The following KMT2D variants were observed in gnomAD, a reference collection of about 807,000 sequenced individuals.
KMT2D encodes the protein histone-lysine N-methyltransferase 2D.
A neutral mutation model predicts 512.7 loss-of-function variants in KMT2D; 55 were observed. The ratio of observed to expected loss-of-function variants is 0.11; its 90% CI spans 0.09 to 0.13. KMT2D has a LOEUF of 0.13. Ranked by LOEUF, KMT2D falls within the 10% of genes least tolerant of loss-of-function variation. KMT2D has a pLI of 1.00. For missense variants in KMT2D, 6,061 were observed against 7,127.9 expected, an observed-to-expected ratio of 0.85 and a Z score of 5.39; for synonymous variants, 2,995 against 2,904.0, an observed-to-expected ratio of 1.03 and a Z score of -1.01.
rs1416337623 is a variant in KMT2D at position 49,028,932 on chromosome 12, C to A, written c.14278G>T (p.Ala4760Ser). 3.1e-6 allele frequency: 5 copies of A among 1,613,992 alleles called. No individual in the cohort carries two copies. Among genetic ancestry groups the A allele is most frequent in the Non-Finnish European group, 3.4e-6 (4 of 1,179,880 alleles). ...PVFPDTKPYG[A>S]LGLEVPGKLP... ...TTTCCAGGGACCTCCAGGCCAAGGGCCCCATAAGGTTTGGTATCTGGGAAG... is the reference window on the plus strand; with the variant it reads ...TTTCCAGGGACCTCCAGGCCAAGGGACCCATAAGGTTTGGTATCTGGGAAG... The change falls in exon 46 of 55, where the codon GCC becomes TCC. Residue 4760 changes from alanine (A) to serine (S), a missense_variant. By Grantham distance (99) the Ala-to-Ser change is moderately conservative (BLOSUM62 1). Around this residue, in one of 16 missense-constraint regions of KMT2D, gnomAD observed 1,600 missense variants for 1,754.9 expected, o/e 0.91. Transcript: ENST00000301067.
At position 49,044,358 on chromosome 12, in the gene KMT2D, C is replaced by T. The variant is rs753871567; in HGVS notation, c.5083+45G>A. On this transcript the variant is annotated intron_variant, in intron 21 of 54. Coordinates refer to ENST00000301067, the MANE Select transcript of KMT2D (RefSeq NM_003482.4). The surrounding 1 kb of genome is among the most constrained non-coding windows in gnomAD (Gnocchi z 6.4). ...AGCCGCTGGGGGACCTATTGAGCTG[C>T]CCCGCACCACCCCACCACCCCACAA... is the stretch of plus-strand genomic sequence containing the variant. The T allele has an allele frequency of 5.0e-6, 8 of 1,613,562 alleles. No individual in the cohort carries two copies. The African/African-American group carries it at 8.0e-5, about 16-fold the overall frequency.
In KMT2D at chr12:49,044,161, C is replaced by A; in HGVS notation, c.5188+39G>T. ...CCTGGGTCTCTCTAGCATTGCCCCA[C>A]CTTCTCCCAGGCCCCACTGGTGCCC... On this transcript the variant is annotated intron_variant, in intron 22 of 54. Transcript: ENST00000301067. The surrounding 1 kb of genome is among the most constrained non-coding windows in gnomAD (Gnocchi z 6.4). 1 of 1,603,056 alleles carries A rather than the reference C, an allele frequency of 6.2e-7. No homozygotes were observed.
rs398123742 is a variant in KMT2D at position 49,050,042 on chromosome 12, A to C, written c.3546T>G (p.Cys1182Trp). ...CKQTAGQGSP[C>W]EEQEEPRAPV... ...GTGCACGTGGCTCTTCCTGTTCTTCACATGGTGAGCCCTGCCCTGCTGTCT... is the reference window on the plus strand; with the variant it reads ...GTGCACGTGGCTCTTCCTGTTCTTCCCATGGTGAGCCCTGCCCTGCTGTCT... The change falls in exon 12 of 55, where the codon TGT (cysteine) becomes TGG (tryptophan). Residue 1182 changes from cysteine to tryptophan, a missense_variant. Physicochemically the swap from Cys to Trp is radical, Grantham distance 215 (BLOSUM62 -2). Transcript: ENST00000301067. The C allele has an allele frequency of 1.2e-6, 2 of 1,613,854 alleles. No homozygotes were observed. The highest frequency in any genetic ancestry group is 1.7e-6 in the Non-Finnish European group (2 of 1,179,876).
chr12:49,032,080 G>A lies in KMT2D; in HGVS notation c.12625C>T (p.Pro4209Ser). ...AQLQGVLAKN[P>S]QLRHLSPQQQ... Reference sequence around the variant, plus strand: ...TGAGGACTTAAGTGCCGCAGCTGTGGGTTTTTGGCCAGGACTCCTTGGAGC... The same window carrying A: ...TGAGGACTTAAGTGCCGCAGCTGTGAGTTTTTGGCCAGGACTCCTTGGAGC... The change falls in exon 40 of 55, where the codon CCA becomes TCA. Residue 4209 changes from proline to serine, a missense_variant. Around this residue, in one of 16 missense-constraint regions of KMT2D, gnomAD observed 1,600 missense variants for 1,754.9 expected, o/e 0.91. Transcript: ENST00000301067. The A allele has an allele frequency of 1.9e-6, 3 of 1,613,878 alleles. No individual in the cohort carries two copies. The highest frequency in any genetic ancestry group is 2.5e-6 in the Non-Finnish European group (3 of 1,179,838).
intron 35 of KMT2D, 123 bp downstream of exon 35, chr12:49,037,002 T>C (rs2120472333): frequency 1.5e-6 from 2 of 1,306,656 alleles, no homozygotes; most frequent in South Asian, 1.6e-5. Flanking sequence ...AGTATGATAT[T>C]TAGCCAAAGT....
At position 49,043,759 on chromosome 12, in the gene KMT2D, C is replaced by A. The variant is rs778446878; in HGVS notation, c.5343G>T (p.Leu1781=). The change falls in exon 24 of 55, where the codon CTG becomes CTT. Residue 1781 remains leucine (L), a synonymous_variant. Coordinates refer to ENST00000301067, the MANE Select transcript of KMT2D (RefSeq NM_003482.4). ...YLQEAFFGKE[L]LDLSRKALFA... Reference sequence around the variant, plus strand: ...AAAGGGCCTTACGGCTCAGGTCCAGCAGCTCCTTCCCAAAGAAGGCTTCCT... The same window carrying A: ...AAAGGGCCTTACGGCTCAGGTCCAGAAGCTCCTTCCCAAAGAAGGCTTCCT... The A allele has an allele frequency of 6.2e-7, 1 of 1,612,956 alleles. No homozygotes were observed. The highest frequency in any genetic ancestry group is 1.7e-5 in the Admixed American group (1 of 59,918).
Position 49,020,589 on chromosome 12 carries a change from G to A in KMT2D, c.*1191C>T, listed in dbSNP as rs1185174181. On this transcript the variant is annotated 3_prime_UTR_variant, in exon 55 of 55. Transcript: ENST00000301067. ...TAGATAAATACCCCCCACCCTCCCC[G>A]CGCTGACACTAAGCTCCCCCACCCC... The A allele has an allele frequency of 1.5e-4, 9 of 60,088 alleles. No homozygotes were observed. The East Asian group carries it at 1.6e-3, about 11-fold the overall frequency. The allele number at this position is 60,088 out of a possible 1,614,324, so 3.7% of individuals were successfully genotyped here. A position where few individuals can be genotyped will look rare whatever the true frequency, so the allele number is the denominator to read the frequency against.
chr12:49,044,176 C>T lies in KMT2D; in HGVS notation c.5188+24G>A. ...CATTGCCCCACCTTCTCCCAGGCCC[C>T]ACTGGTGCCCTCACCCGTCTCACCC... On this transcript the variant is annotated intron_variant, in intron 22 of 54. Coordinates refer to ENST00000301067, the MANE Select transcript of KMT2D (RefSeq NM_003482.4). This position sits in a 1 kb window ranked among gnomAD's most constrained non-coding sequence, Gnocchi z 6.4. The T allele has an allele frequency of 6.2e-7, 1 of 1,607,734 alleles. No individual in the cohort carries two copies. The highest frequency in any genetic ancestry group is 1.7e-5 in the Admixed American group (1 of 59,804).
rs886049467 is a variant in KMT2D at position 49,021,482 on chromosome 12, G to A, written c.*298C>T. The A allele has an allele frequency of 1.5e-5, 7 of 452,216 alleles. No homozygotes were observed. Among genetic ancestry groups the A allele is most frequent in the East Asian group, 1.0e-4 (3 of 28,708 alleles). The allele number at this position is 452,216 out of a possible 1,614,324, so 28.0% of individuals were successfully genotyped here. ...TCCCAGATGCTTCTGGGTAGTTCCCGGCCCATATCCCCCTCAAACCTGAGA... is the reference window on the plus strand; with the variant it reads ...TCCCAGATGCTTCTGGGTAGTTCCCAGCCCATATCCCCCTCAAACCTGAGA... On this transcript the variant is annotated 3_prime_UTR_variant, in exon 55 of 55. Transcript: ENST00000301067.
In KMT2D at chr12:49,037,354, T is replaced by C. The variant is rs1943270270; in HGVS notation, c.10002A>G (p.Pro3334=). Residue 3334 remains proline (P), a synonymous_variant, in exon 35 of 55, where the codon CCA becomes CCG. Coordinates refer to ENST00000301067, the MANE Select transcript of KMT2D (RefSeq NM_003482.4). ...GLPQPLMPTQ[P]PAHALQQRLA... is the part of the protein sequence containing the mutation. Reference sequence around the variant, plus strand: ...GGCGTTGCTGGAGGGCATGAGCTGGTGGCTGGGTGGGCATCAGTGGCTGGG... The same window carrying C: ...GGCGTTGCTGGAGGGCATGAGCTGGCGGCTGGGTGGGCATCAGTGGCTGGG... 4 of 1,611,446 alleles carry C rather than the reference T, an allele frequency of 2.5e-6. No homozygotes were observed. Among genetic ancestry groups the C allele is most frequent in the Non-Finnish European group, 3.4e-6 (4 of 1,179,026 alleles).
Position 49,042,274 on chromosome 12 carries a change from C to A in KMT2D, c.5924G>T (p.Gly1975Val). ...EPGEPDSPWT[G>V]SGGTTPSTPT... ...GGTGGAGGGCGTGGTGCCACCTGAG[C>A]CCGTCCAGGGGCTGTCGGGCTCACC... The change falls in exon 29 of 55, where the codon GGC (glycine) becomes GTC (valine). Residue 1975 changes from glycine (G) to valine (V), a missense_variant. Gly to Val is a moderately radical substitution (Grantham distance 109, BLOSUM62 -3). This residue lies in a region of KMT2D where 640 missense variants were observed against 814.3 expected (regional missense o/e 0.79). Coordinates refer to ENST00000301067, the MANE Select transcript of KMT2D (RefSeq NM_003482.4). This position sits in a 1 kb window ranked among gnomAD's most constrained non-coding sequence, Gnocchi z 4.4. 1 of 1,573,834 alleles carries A rather than the reference C, an allele frequency of 6.4e-7. No individual in the cohort carries two copies. The highest frequency in any genetic ancestry group is 8.6e-7 in the Non-Finnish European group (1 of 1,159,844).
At position 49,042,406 on chromosome 12, in the gene KMT2D, G is replaced by C; in HGVS notation, c.5868-76C>G. The C allele has an allele frequency of 6.7e-7, 1 of 1,495,042 alleles. No individual in the cohort carries two copies. Among genetic ancestry groups the C allele is most frequent in the Non-Finnish European group, 8.9e-7 (1 of 1,118,222 alleles). The allele number at this position is 1,495,042 out of a possible 1,614,324, so 92.6% of individuals were successfully genotyped here. Reference sequence around the variant, plus strand: ...CCCAGACAAACTGCCTAGAGCCCCAGGCCACTGCCCTGCCCCAAAAGAGGA... The same window carrying C: ...CCCAGACAAACTGCCTAGAGCCCCACGCCACTGCCCTGCCCCAAAAGAGGA... On this transcript the variant is annotated intron_variant, in intron 28 of 54. Coordinates refer to ENST00000301067, the MANE Select transcript of KMT2D (RefSeq NM_003482.4). The surrounding 1 kb of genome is among the most constrained non-coding windows in gnomAD (Gnocchi z 4.4).
chr12:49,033,338 C>A lies in KMT2D; in HGVS notation c.11367G>T (p.Gln3789His). ...PSSHQGLLVQ[Q>H]LSPQPPQGPQ... ...GCCCCTGGGGTGGTTGAGGGGACAG[C>A]TGCTGGACCAGGAGGCCTTGGTGGC... Residue 3789 changes from glutamine (Q) to histidine (H), a missense_variant, in exon 40 of 55, where the codon CAG becomes CAT. Transcript: ENST00000301067. 1 of 1,593,440 alleles carries A rather than the reference C, an allele frequency of 6.3e-7. No individual in the cohort carries two copies. Among genetic ancestry groups the A allele is most frequent in the Non-Finnish European group, 8.5e-7 (1 of 1,170,222 alleles).
intron 39 of KMT2D, 48 bp downstream of exon 39, chr12:49,034,019 C>T (rs2120450139): frequency 6.3e-7 from 1 of 1,578,400 alleles, no homozygotes; most frequent in Non-Finnish European, 8.6e-7. Flanking sequence ...CCATGCCAAC[C>T]CTCTTCCCTG....
At chr12:49,025,134 AC>A (rs1029064925) in intron 49 of KMT2D, among the ~76,000 whole-genome samples, 188 bp from the exon 50 acceptor site, 3 of 151,904 alleles carry the variant, frequency 2.0e-5, no homozygotes, top group Non-Finnish European at 2.9e-5. Flanking sequence ...GAGGTTTCCA[AC>A]CCCAAGGGGT....
chr12:49,055,610 G>T (rs370148765), intron 1 of KMT2D, among the ~76,000 whole-genome samples: 1 of 152,102 alleles, frequency 6.6e-6, no homozygotes, highest in Admixed American at 6.5e-5. Context: ...CCACTTCCAG[G>T]CTCCTCTGTA....
chr12:49,037,802 A>T lies in KMT2D; in HGVS notation c.9554T>A (p.Phe3185Tyr), dbSNP rs377231704. The T allele has an allele frequency of 5.4e-5, 87 of 1,597,140 alleles. No individual in the cohort carries two copies. Among genetic ancestry groups the T allele is most frequent in the Non-Finnish European group, 5.8e-5 (68 of 1,171,696 alleles). The change falls in exon 35 of 55, where the codon TTT becomes TAT. Residue 3185 changes from phenylalanine (F) to tyrosine (Y), a missense_variant. Around this residue, in one of 16 missense-constraint regions of KMT2D, gnomAD observed 533 missense variants for 539.6 expected, o/e 0.99. Transcript: ENST00000301067. The stretch of plus-strand genomic sequence containing the variant: ...AGCTGGTGGTCCTCCCGTGGCCCCA[A>T]AGGAGGCCTTCTCAGCTGTGTGCCC... ...SSGHTAEKAS[F>Y]GATGGPPAHL...
chr12:49,051,451 T>C lies in KMT2D; in HGVS notation c.2232A>G (p.Ser744=), dbSNP rs200155807. 1 of 1,590,696 alleles carries C rather than the reference T, an allele frequency of 6.3e-7. No homozygotes were observed. Among genetic ancestry groups the C allele is most frequent in the African/African-American group, 1.5e-5 (1 of 67,388 alleles). ...LCPRSEGPHL[S]PRPEEPHLSP... ...ACAGGTGCGGCTCCTCAGGCCGGGG[T>C]GACAGGTGCGGCCCCTCGGACCGGG... The change falls in exon 11 of 55, where the codon TCA becomes TCG. Residue 744 remains serine (S), a synonymous_variant. Coordinates refer to ENST00000301067, the MANE Select transcript of KMT2D (RefSeq NM_003482.4).
At chr12:49,030,858 G>T (rs776814210) in intron 41 of KMT2D, 35 bp downstream of exon 41, 2 of 1,613,116 alleles carry the variant, frequency 1.2e-6, no homozygotes, top group Admixed American at 3.3e-5. Context: ...CCTATCCTGG[G>T]ATGGGACCAG....
Sources: gnomAD v4.1 joint callset for allele counts (sites outside exome capture counted in the v4.1 genomes callset) on GRCh38, gnomAD v4.1.1 for gene constraint, gnomAD v4.1.1 regional missense constraint, Gnocchi (gnomAD v3.1) non-coding constraint, MANE v1.5 for transcripts, NCBI Gene and HGNC (gene_info 2026-07-23, HGNC 2026-07-21) for gene names.